ITSN1: variants seen among roughly 807,000 people sequenced by gnomAD.
The protein encoded by ITSN1 is intersectin 1, also known as intersectin-1.
Under a neutral mutation model 239.8 loss-of-function variants are expected in ITSN1, and 58 were observed. The ratio of observed to expected loss-of-function variants is 0.24; its 90% CI spans 0.20 to 0.30. The LOEUF is 0.30. ITSN1 is among the 10% of genes least tolerant of loss of function. The probability of loss-of-function intolerance (pLI) is 1.00; values close to 1 mark genes in which losing one functional copy is unlikely to be tolerated. For synonymous variants in ITSN1, 780 were observed against 770.8 expected (o/e 1.01, Z -0.20); for missense variants, 1,558 against 2,103.3 (o/e 0.74, Z 5.07).
chr21:33,765,366 C>T (rs956526212), intron 9 of ITSN1, among the ~76,000 whole-genome samples: 3 of 152,218 alleles, frequency 2.0e-5, no homozygotes, highest in South Asian at 4.2e-4. Context: ...GGCATGGTGG[C>T]GCACACCTTG....
At position 33,891,727 on chromosome 21, in the gene ITSN1, G is replaced by C. The variant is rs1009755980; in HGVS notation, c.*3427G>C. 3 of 152,204 alleles carry C rather than the reference G, an allele frequency of 2.0e-5. No homozygotes were observed. The highest frequency in any genetic ancestry group is 4.4e-5 in the Non-Finnish European group (3 of 68,064). The allele number at this position is 152,204 out of a possible 1,614,324, so 9.4% of individuals were successfully genotyped here. ...AATCTGATGGGGCTGAAGATGAAGG[G>C]AGAAATGGACAAGGCACTTCTGGCT... On this transcript the variant is annotated 3_prime_UTR_variant, in exon 40 of 40. Transcript: ENST00000381318.
At chr21:33,816,193 CAA>C (rs113561711) in intron 22 of ITSN1, among the ~76,000 whole-genome samples, 2 of 127,572 alleles carry the variant, frequency 1.6e-5, no homozygotes, top group Admixed American at 7.9e-5. Context: ...ACTGAGTTCT[CAA>C]AAAAAAAAAA....
chr21:33,853,032 C>A (rs1978621359), intron 29 of ITSN1, among the ~76,000 whole-genome samples: 1 of 152,294 alleles, frequency 6.6e-6, no homozygotes, highest in Non-Finnish European at 1.5e-5. Context: ...TATTTCAAAT[C>A]TTTAATGGTT....
chr21:33,696,726 G>A (rs556114135), intron 1 of ITSN1, among the ~76,000 whole-genome samples: 46 of 152,122 alleles, frequency 3.0e-4, no homozygotes, highest in African/African-American at 1.0e-3. Flanking sequence ...TGCCCTTTTC[G>A]GTGTTATGGT....
At chr21:33,813,353 T>A (rs1378595086) in intron 21 of ITSN1, among the ~76,000 whole-genome samples, 1 of 146,292 alleles carries the variant, frequency 6.8e-6, no homozygotes, top group Non-Finnish European at 1.5e-5. Flanking sequence ...CCCAGCTAAC[T>A]TTTTTTTTTT....
chr21:33,894,797 A>T lies in ITSN1; in HGVS notation c.*6497A>T, dbSNP rs1453983501. 6.6e-6 allele frequency: 1 copy of T among 152,236 alleles called. No individual in the cohort carries two copies. Among genetic ancestry groups the T allele is most frequent in the African/African-American group, 2.4e-5 (1 of 41,458 alleles). The allele number at this position is 152,236 out of a possible 1,614,324, so 9.4% of individuals were successfully genotyped here. On this transcript the variant is annotated 3_prime_UTR_variant, in exon 40 of 40. Transcript: ENST00000381318. The stretch of plus-strand genomic sequence containing the variant: ...AACAGAATGGGGGCCTCAGGCAGAC[A>T]GGAACCAAAGAAAGGGTGTAGTGGC...
chr21:33,663,471 T>C (rs991317041), intron 1 of ITSN1, among the ~76,000 whole-genome samples: 3 of 152,250 alleles, frequency 2.0e-5, no homozygotes, highest in African/African-American at 4.8e-5. Context: ...TAATAGACCA[T>C]TGAGTCAGAA....
intron 1 of ITSN1, among the ~76,000 whole-genome samples, chr21:33,666,907 C>G (rs1258419401): frequency 2.0e-5 from 3 of 152,174 alleles, no homozygotes; most frequent in South Asian, 4.1e-4. Context: ...CACAAGTGAT[C>G]CTCCTGCCTC....
intron 29 of ITSN1, 84 bp from the exon 30 acceptor site, chr21:33,856,652 C>G (rs904914903): frequency 1.5e-5 from 24 of 1,592,592 alleles, no homozygotes; most frequent in Admixed American, 5.1e-5. Flanking sequence ...CCTCAGGACC[C>G]AGCAGCCACG....
At chr21:33,747,383 TAGAA>T (rs1465930028) in intron 5 of ITSN1, among the ~76,000 whole-genome samples, 3 of 152,032 alleles carry the variant, frequency 2.0e-5, no homozygotes, top group African/African-American at 7.2e-5. Flanking sequence ...ATGGGAGTCT[TAGAA>T]GGAGGATCAT....
chr21:33,654,520 A>G (rs779647061), intron 1 of ITSN1, among the ~76,000 whole-genome samples: 4 of 152,026 alleles, frequency 2.6e-5, no homozygotes, highest in African/African-American at 4.8e-5. Flanking sequence ...TATCTGACCC[A>G]ACACAGATCC....
At chr21:33,690,301 C>A (rs2091449395) in intron 1 of ITSN1, among the ~76,000 whole-genome samples, 2 of 146,720 alleles carry the variant, frequency 1.4e-5, no homozygotes, top group African/African-American at 2.5e-5. Context: ...AATAAATGAA[C>A]AAAAATAAGC....
chr21:33,865,800 GC>G lies in ITSN1; in HGVS notation c.4074+468del, dbSNP rs1478535769. ...GCTTGATGTGCTCCCGCCTTAGACA[GC>G]CTGTGGGAGTCAGTGTGGGATGCCA... On this transcript the variant is annotated intron_variant, in intron 32 of 39. Transcript: ENST00000381318. The surrounding 1 kb of genome is among the most constrained non-coding windows in gnomAD (Gnocchi z 4.4). Among the ~76,000 whole-genome samples, 5 of 152,114 alleles carry G rather than the reference GC, an allele frequency of 3.3e-5. No individual in the cohort carries two copies. The highest frequency in any genetic ancestry group is 5.9e-5 in the Non-Finnish European group (4 of 68,040).
intron 29 of ITSN1, among the ~76,000 whole-genome samples, chr21:33,852,378 G>T (rs1978485655): frequency 6.6e-6 from 1 of 152,192 alleles, no homozygotes; most frequent in African/African-American, 2.4e-5. Flanking sequence ...GGAGATGGGT[G>T]AGGTGCACTT....
At chr21:33,807,415 G>A (rs1392777577) in intron 20 of ITSN1, among the ~76,000 whole-genome samples, 1 of 152,214 alleles carries the variant, frequency 6.6e-6, no homozygotes, top group African/African-American at 2.4e-5. Flanking sequence ...TTGGCTCACT[G>A]CAACCTCCGC....
At chr21:33,805,182 G>A (rs1363953398) in intron 20 of ITSN1, among the ~76,000 whole-genome samples, 2 of 152,138 alleles carry the variant, frequency 1.3e-5, no homozygotes, top group Admixed American at 6.5e-5. Context: ...TTTCACGTCA[G>A]GACTAATCCT....
At chr21:33,684,621 T>C (rs983473882) in intron 1 of ITSN1, among the ~76,000 whole-genome samples, 1 of 152,122 alleles carries the variant, frequency 6.6e-6, no homozygotes, top group African/African-American at 2.4e-5. Flanking sequence ...AAAGAGGGTC[T>C]CTTATTAGGA....
intron 24 of ITSN1, among the ~76,000 whole-genome samples, chr21:33,822,458 A>G (rs964969149): frequency 6.6e-6 from 1 of 152,232 alleles, no homozygotes; most frequent in Non-Finnish European, 1.5e-5. Flanking sequence ...ACAAAAGCCT[A>G]GGATAAAATG....
At position 33,781,499 on chromosome 21, in the gene ITSN1, A is replaced by G; in HGVS notation, c.1635A>G (p.Lys545=). ...TGCTTGGAAGACTTATTCCAGAAAA[A>G]CAGATACTCAATGACCAATTAAAAC... is the stretch of plus-strand genomic sequence containing the variant. ...QQMLGRLIPE[K]QILNDQLKQV... The change falls in exon 15 of 40, where the codon AAA becomes AAG. Residue 545 remains lysine (K), a synonymous_variant. Transcript: ENST00000381318. The G allele has an allele frequency of 6.3e-7, 1 of 1,598,634 alleles. No homozygotes were observed. Among genetic ancestry groups the G allele is most frequent in the Non-Finnish European group, 8.5e-7 (1 of 1,172,244 alleles).
Sources: gnomAD v4.1 joint callset for allele counts (sites outside exome capture counted in the v4.1 genomes callset) on GRCh38, gnomAD v4.1.1 for gene constraint, Gnocchi (gnomAD v3.1) non-coding constraint, MANE v1.5 for transcripts, NCBI Gene and HGNC (gene_info 2026-07-23, HGNC 2026-07-21) for gene names.